Variants in TMEM247 observed in about 807,000 individuals in gnomAD.
The protein encoded by TMEM247 is transmembrane protein ENSP00000343375.
A neutral mutation model predicts 20.7 loss-of-function variants in TMEM247; 23 were observed. That is an observed-to-expected ratio of 1.11 (90% CI 0.80 to 1.57). TMEM247 has a LOEUF of 1.57. Ranked by LOEUF, TMEM247 falls within the 40% of genes most tolerant of loss-of-function variation. The pLI is 0.00. For missense variants in TMEM247, 354 were observed against 283.8 expected, an observed-to-expected ratio of 1.25 and a Z score of -1.78; for synonymous variants, 106 against 111.9, an observed-to-expected ratio of 0.95 and a Z score of 0.33.
intron 2 of TMEM247, 114 bp from the exon 3 acceptor site, chr2:46,484,130 G>T: frequency 1.1e-6 from 1 of 935,812 alleles, no homozygotes; most frequent in South Asian, 1.8e-5. Flanking sequence ...CCTTTCTTTA[G>T]GTGAAGATGA....
chr2:46,481,401 C>T (rs1467890457), intron 2 of TMEM247, among the ~76,000 whole-genome samples: 4 of 152,226 alleles, frequency 2.6e-5, no homozygotes, highest in Admixed American at 6.5e-5. Flanking sequence ...ATGTGAAGAG[C>T]TTAGCACAGT....
chr2:46,480,688 T>C lies in TMEM247; in HGVS notation c.401T>C (p.Val134Ala), dbSNP rs61995901. The change falls in exon 2 of 3, where the codon GTG becomes GCG. Residue 134 changes from valine to alanine, a missense_variant. Transcript: ENST00000434431. ...CAGCGGCAGCGGCAGCACGAGGTGG[T>C]GATGGAGCAGCTGCAGCGGGAGCGG... 1.1e-3 allele frequency: 1,704 copies of C among 1,544,562 alleles called. No homozygotes were observed. Among genetic ancestry groups the C allele is most frequent in the Non-Finnish European group, 1.4e-3 (1,617 of 1,141,326 alleles).
At chr2:46,481,311 A>G (rs1486914645) in intron 2 of TMEM247, among the ~76,000 whole-genome samples, 1 of 152,226 alleles carries the variant, frequency 6.6e-6, no homozygotes, top group African/African-American at 2.4e-5. Flanking sequence ...TGAAACAGCC[A>G]TCTTTTCACA....
intron 2 of TMEM247, among the ~76,000 whole-genome samples, chr2:46,482,279 T>G (rs1284644381): frequency 6.6e-6 from 1 of 152,356 alleles, no homozygotes; most frequent in Middle Eastern, 3.4e-3. Flanking sequence ...TAGAAAACAT[T>G]TGCCTATTGC....
At chr2:46,479,753 C>T in intron 1 of TMEM247, 51 bp downstream of exon 1, 2 of 1,291,574 alleles carry the variant, frequency 1.5e-6, no homozygotes, top group South Asian at 2.6e-5. Flanking sequence ...TCAGGGGGAG[C>T]AAGAATACTG....
At position 46,483,095 on chromosome 2, in the gene TMEM247, C is replaced by T. The variant is rs58267234; in HGVS notation, c.478-1149C>T. Among the ~76,000 whole-genome samples the T allele has an allele frequency of 2.5e-3, 377 of 152,220 alleles. 3 individuals are homozygous for T. Among genetic ancestry groups the T allele is most frequent in the African/African-American group, 8.6e-3 (358 of 41,512 alleles). On this transcript the variant is annotated intron_variant, in intron 2 of 2. Transcript: ENST00000434431. ...TGTGTTTCTAGCTAGTTTAGGGCAT[C>T]TCGGTCCCTGCCACCTGGTGCTTTC...
intron 2 of TMEM247, among the ~76,000 whole-genome samples, chr2:46,482,416 G>A (rs1019294889): frequency 6.6e-6 from 1 of 152,204 alleles, no homozygotes; most frequent in Non-Finnish European, 1.5e-5. Flanking sequence ...AAGCAGATAT[G>A]ATATTGTAAC....
At chr2:46,480,688 T>A in exon 2 of TMEM247, 1 of 1,544,794 alleles carries the variant, frequency 6.5e-7, no homozygotes, top group Non-Finnish European at 8.8e-7. Flanking sequence ...CACGAGGTGG[T>A]GATGGAGCAG....
At chr2:46,484,076 C>A (rs1338961806) in intron 2 of TMEM247, among the ~76,000 whole-genome samples, 168 bp from the exon 3 acceptor site, 1 of 152,180 alleles carries the variant, frequency 6.6e-6, no homozygotes, top group Admixed American at 6.5e-5. Context: ...TAGGTATGAG[C>A]CACCTTGCCC....
rs1259699989 is a variant in TMEM247, at chr2:46,480,816, C to T, written c.477+52C>T. The T allele has an allele frequency of 8.0e-6, 12 of 1,499,448 alleles. No individual in the cohort carries two copies. The East Asian group carries it at 9.9e-5, about 12-fold the overall frequency. 92.9% of individuals were successfully genotyped at this position (1,499,448 alleles called of 1,614,324 possible). On this transcript the variant is annotated intron_variant, in intron 2 of 2. Transcript: ENST00000434431. ...GAGGAGGGAGGCCTGGAGCTGAAGT[C>T]CCATGGGGCCTGGAGCAGGCGCCCA...
exon 2 of TMEM247, chr2:46,480,656 G>C (rs1225293334): frequency 6.4e-7 from 1 of 1,551,802 alleles, no homozygotes. Flanking sequence ...ACCTGCATGA[G>C]AAGAACCAGC....
At chr2:46,484,031 T>A (rs968025258) in intron 2 of TMEM247, among the ~76,000 whole-genome samples, 1 of 152,140 alleles carries the variant, frequency 6.6e-6, no homozygotes. Context: ...CTTCAAGCAA[T>A]CCTCCCACCT....
intron 2 of TMEM247, among the ~76,000 whole-genome samples, chr2:46,483,164 C>T (rs562872150): frequency 6.6e-6 from 1 of 152,304 alleles, no homozygotes; most frequent in South Asian, 2.1e-4. Context: ...AAAAATAATG[C>T]ATGGGTTATG....
intron 2 of TMEM247, among the ~76,000 whole-genome samples, chr2:46,481,160 C>T (rs1372836753): frequency 6.6e-6 from 1 of 152,182 alleles, no homozygotes; most frequent in African/African-American, 2.4e-5. Flanking sequence ...CACAAGTCCT[C>T]TCTGCATCTC....
At chr2:46,482,987 A>G (rs1040888522) in intron 2 of TMEM247, among the ~76,000 whole-genome samples, 1 of 152,082 alleles carries the variant, frequency 6.6e-6, no homozygotes, top group Non-Finnish European at 1.5e-5. Context: ...TTGATGTTGT[A>G]CCTTCCTCTC....
exon 3 of TMEM247, chr2:46,484,403 T>G (rs1686949909): frequency 6.4e-7 from 1 of 1,551,810 alleles, no homozygotes. Flanking sequence ...TTTGCTCTGT[T>G]TGATTAAAAC....
chr2:46,484,120 C>G (rs1345293931), intron 2 of TMEM247, 124 bp from the exon 3 acceptor site: 1 of 872,286 alleles, frequency 1.1e-6, no homozygotes, highest in East Asian at 2.7e-5. Flanking sequence ...GCACTATTAC[C>G]CTTTCTTTAG....
Position 46,484,225 on chromosome 2 carries a change from T to C in TMEM247, c.478-19T>C. ...CCAACAATGGCATCATCATCTCCAC[T>C]GTCTTCTCTCCCCCACAGTTTTCAG... On this transcript the variant is annotated intron_variant, in intron 2 of 2. Transcript: ENST00000434431. The C allele has an allele frequency of 6.5e-7, 1 of 1,542,324 alleles. No individual in the cohort carries two copies. The highest frequency in any genetic ancestry group is 8.8e-7 in the Non-Finnish European group (1 of 1,142,146).
chr2:46,484,248 C>G lies in TMEM247; in HGVS notation c.482C>G (p.Ser161Ter). 6.5e-7 allele frequency: 1 copy of G among 1,548,924 alleles called. No homozygotes were observed. The highest frequency in any genetic ancestry group is 1.7e-4 in the Middle Eastern group (1 of 5,978). ...ACTGTCTTCTCTCCCCCACAGTTTT[C>G]AGGAGGCCTCCAGAACTTCCTGCTG... Residue 161 changes from serine (S) to a stop codon, truncating the protein, a stop_gained, in exon 3 of 3, where the codon TCA (serine) becomes TGA (stop). Transcript: ENST00000434431. LOFTEE classifies it high-confidence loss of function.
Sources: allele counts gnomAD v4.1 joint callset (sites outside exome capture counted in the v4.1 genomes callset), GRCh38; gene constraint gnomAD v4.1.1; transcripts MANE v1.5; gene names NCBI Gene and HGNC (gene_info 2026-07-23, HGNC 2026-07-21).